KARS1: variants seen among roughly 807,000 people sequenced by gnomAD.
KARS1 encodes the protein lysyl-tRNA synthetase 1, also known as lysine--tRNA ligase.
KARS1 carries 50 observed loss-of-function variants against 63.9 expected under a neutral mutation model. That is an observed-to-expected ratio of 0.78 (90% confidence interval 0.62 to 0.99). KARS1 has a LOEUF of 0.99. Among genes scored for constraint, KARS1 ranks in the 50% least tolerant of loss-of-function variants. KARS1 has a pLI of 0.00. For missense variants in KARS1, 816 were observed against 754.5 expected, an observed-to-expected ratio of 1.08 and a Z score of -0.95; for synonymous variants, 320 against 264.6, an observed-to-expected ratio of 1.21 and a Z score of -2.03.
At chr16:75,642,126 T>A (rs927925411) in intron 1 of KARS1, among the ~76,000 whole-genome samples, 15 of 149,512 alleles carry the variant, frequency 1.0e-4, no homozygotes, top group African/African-American at 3.4e-4. Context: ...TTGAGGACAG[T>A]GACTGAATCT....
chr16:75,630,505 C>A lies in KARS1; in HGVS notation c.1342G>T (p.Val448Phe). The A allele has an allele frequency of 3.7e-6, 6 of 1,604,482 alleles. No homozygotes were observed. The highest frequency in any genetic ancestry group is 1.1e-5 in the South Asian group (1 of 90,880). ...CAAGTCACTTCCAGGAACTCCCCAA[C>A]AAGCTTAATGAGAAAGCAAAGCAGA... ...RTTARLLDKL[V>F]GEFLEVTCIN... Residue 448 changes from valine to phenylalanine, a missense_variant, in exon 11 of 14, where the codon GTT (valine) becomes TTT (phenylalanine). Coordinates refer to ENST00000302445, the MANE Select transcript of KARS1 (RefSeq NM_005548.3).
At chr16:75,633,515 CTTTTTTTTT>C (rs770761249) in intron 7 of KARS1, among the ~76,000 whole-genome samples, 1 of 127,516 alleles carries the variant, frequency 7.8e-6, no homozygotes, top group African/African-American at 2.9e-5. Context: ...TTTGAAGATA[CTTTTTTTTT>C]TTTTTTTTTT....
intron 1 of KARS1, chr16:75,644,277 A>G (rs1285404723): frequency 6.3e-7 from 1 of 1,594,070 alleles, no homozygotes; most frequent in South Asian, 1.1e-5. Flanking sequence ...GGTAATGGGC[A>G]CCAACCTTCT....
chr16:75,641,070 G>A (rs944438161), intron 2 of KARS1, among the ~76,000 whole-genome samples: 2 of 152,162 alleles, frequency 1.3e-5, no homozygotes, highest in African/African-American at 4.8e-5. Context: ...TTGGGAGGCT[G>A]AGGAAGGAGA....
At chr16:75,639,092 C>T (rs1277322488) in intron 3 of KARS1, among the ~76,000 whole-genome samples, 2 of 150,862 alleles carry the variant, frequency 1.3e-5, no homozygotes, top group Admixed American at 6.6e-5. Flanking sequence ...CGCTTGAACC[C>T]GGAAGGCGGA....
intron 10 of KARS1, among the ~76,000 whole-genome samples, chr16:75,630,945 C>G (rs1350636746): frequency 2.6e-5 from 4 of 152,114 alleles, no homozygotes; most frequent in African/African-American, 9.7e-5. Flanking sequence ...TACCCTATAG[C>G]TTTTTAAAAG....
In KARS1 at chr16:75,647,357, G is replaced by C. The variant is rs2082298644; in HGVS notation, c.62+221C>G. On this transcript the variant is annotated intron_variant, in intron 1 of 13. Transcript: ENST00000302445. Reference sequence around the variant, plus strand: ...GTCTCTTAACTCTAGGAGTATGATAGGGAGCATCCCGCCGGTGCCAGCTGG... The same window carrying C: ...GTCTCTTAACTCTAGGAGTATGATACGGAGCATCCCGCCGGTGCCAGCTGG... 2.4e-5 allele frequency: 15 copies of C among 634,754 alleles called. No homozygotes were observed. In the South Asian group the frequency reaches 2.5e-4, roughly 11 times the overall value. 39.3% of individuals were successfully genotyped at this position (634,754 alleles called of 1,614,324 possible).
In KARS1 at chr16:75,628,705, G is replaced by C. The variant is rs2082078362; in HGVS notation, c.1559C>G (p.Ala520Gly). 6.2e-7 allele frequency: 1 copy of C among 1,614,160 alleles called. No individual in the cohort carries two copies. Among genetic ancestry groups the C allele is most frequent in the Non-Finnish European group, 8.5e-7 (1 of 1,180,020 alleles). The change falls in exon 13 of 14, where the codon GCT (alanine) becomes GGT (glycine). Residue 520 changes from alanine to glycine, a missense_variant. Physicochemically the swap from Ala to Gly is moderately conservative, Grantham distance 60 (BLOSUM62 0). Coordinates refer to ENST00000302445, the MANE Select transcript of KARS1 (RefSeq NM_005548.3). ...GAACATGGCCTCATCATCACCTGCA[G>C]CCTTGGCCTAGAAGAGGAAAGAGAA... Reference protein sequence around the residue: ...QLFEEQAKAKAAGDDEAMFID... With the variant: ...QLFEEQAKAKGAGDDEAMFID...
At chr16:75,647,258 G>T (rs982937068) in intron 1 of KARS1, among the ~76,000 whole-genome samples, 1 of 152,270 alleles carries the variant, frequency 6.6e-6, no homozygotes, top group South Asian at 2.1e-4. Flanking sequence ...TCAGAAAGGA[G>T]GATGAAGCTA....
intron 9 of KARS1, 29 bp downstream of exon 9, chr16:75,631,387 C>G (rs772155670): frequency 1.2e-6 from 2 of 1,612,464 alleles, no homozygotes; most frequent in Non-Finnish European, 1.7e-6. Flanking sequence ...GAGGGCCTTA[C>G]AACGGAGGAG....
intron 2 of KARS1, among the ~76,000 whole-genome samples, chr16:75,640,670 C>G (rs1301308126): frequency 6.6e-6 from 1 of 152,178 alleles, no homozygotes; most frequent in African/African-American, 2.4e-5. Flanking sequence ...CATGGTGAGT[C>G]GAGTCACTTA....
intron 3 of KARS1, among the ~76,000 whole-genome samples, chr16:75,638,316 T>C (rs965410812): frequency 2.0e-5 from 3 of 152,124 alleles, no homozygotes; most frequent in Non-Finnish European, 4.4e-5. Flanking sequence ...TTGCTGTACC[T>C]ATCAACCTGT....
chr16:75,636,400 C>T (rs890327798), intron 4 of KARS1, 54 bp downstream of exon 4: 3 of 1,085,242 alleles, frequency 2.8e-6, no homozygotes, highest in Middle Eastern at 2.0e-4. Flanking sequence ...CAGCCTATTG[C>T]TGTGTTGCTC....
chr16:75,640,640 A>G (rs559008987), intron 2 of KARS1, among the ~76,000 whole-genome samples: 2 of 152,330 alleles, frequency 1.3e-5, no homozygotes, highest in East Asian at 3.9e-4. Context: ...CCTTGTTGTC[A>G]CTTTTGTAGA....
intron 7 of KARS1, chr16:75,633,908 T>TA: frequency 4.7e-6 from 2 of 424,648 alleles, no homozygotes; most frequent in Non-Finnish European, 8.9e-6. Context: ...GACTTTATCT[T>TA]AAAAGTTTTA....
At position 75,627,946 on chromosome 16, in the gene KARS1, A is replaced by G. The variant is rs1397584397; in HGVS notation, c.1743T>C (p.Asn581=). The change falls in exon 14 of 14, where the codon AAT becomes AAC. Residue 581 remains asparagine, a synonymous_variant. Coordinates refer to ENST00000302445, the MANE Select transcript of KARS1 (RefSeq NM_005548.3). The part of the protein sequence containing the change: ...PAMKPEDKKE[N]VATTDTLEST... ...TTTCCAGTGTATCAGTGGTTGCTAC[A>G]TTCTCCTTCTTGTCTTCGGGTTTCA... 1.9e-6 allele frequency: 3 copies of G among 1,612,096 alleles called. No homozygotes were observed. Among genetic ancestry groups the G allele is most frequent in the African/African-American group, 1.3e-5 (1 of 74,850 alleles).
chr16:75,639,035 G>A (rs1359479883), intron 3 of KARS1, among the ~76,000 whole-genome samples: 1 of 152,056 alleles, frequency 6.6e-6, no homozygotes, highest in African/African-American at 2.4e-5. Flanking sequence ...GGGCGTGGTG[G>A]CAGGCGCCTG....
chr16:75,641,787 T>C, intron 1 of KARS1, 64 bp from the exon 2 acceptor site: 1 of 1,550,970 alleles, frequency 6.4e-7, no homozygotes, highest in Non-Finnish European at 8.9e-7. Flanking sequence ...GTTCTGCCCC[T>C]AGCAACTTAT....
At chr16:75,636,914 A>G (rs2082168245) in intron 3 of KARS1, among the ~76,000 whole-genome samples, 1 of 150,038 alleles carries the variant, frequency 6.7e-6, no homozygotes, top group Non-Finnish European at 1.5e-5. Flanking sequence ...TGCTGGGATT[A>G]CAGGTGTGAG....
Sources: gnomAD v4.1 joint callset for allele counts (sites outside exome capture counted in the v4.1 genomes callset) on GRCh38, gnomAD v4.1.1 for gene constraint, MANE v1.5 for transcripts, NCBI Gene and HGNC (gene_info 2026-07-23, HGNC 2026-07-21) for gene names.